TRERF1: variants seen among roughly 807,000 people sequenced by gnomAD.
The protein encoded by TRERF1 is transcriptional regulating factor 1, also known as transcriptional-regulating factor 1.
Under a neutral mutation model 122.9 loss-of-function variants are expected in TRERF1, and 27 were observed. The observed-to-expected ratio is 0.22, with a 90% CI of 0.16 to 0.30. The LOEUF (loss-of-function observed/expected upper bound fraction) is 0.30. Among genes scored for constraint, TRERF1 ranks in the 10% least tolerant of loss-of-function variants. The pLI is 1.00. For missense variants in TRERF1, 1,248 were observed against 1,560.3 expected (o/e 0.80, Z 3.37); for synonymous variants, 636 against 641.7 (o/e 0.99, Z 0.13).
At chr6:42,418,212 T>C (rs1782144820) in intron 2 of TRERF1, among the ~76,000 whole-genome samples, 2 of 80,084 alleles carry the variant, frequency 2.5e-5, no homozygotes, top group Admixed American at 1.9e-4. Flanking sequence ...TCTTTCTTTT[T>C]CTTTCCTTTT....
chr6:42,359,949 GA>G (rs907663170), intron 3 of TRERF1, among the ~76,000 whole-genome samples: 5 of 145,168 alleles, frequency 3.4e-5, no homozygotes, highest in Admixed American at 6.8e-5. Flanking sequence ...AATTCTAACA[GA>G]AAAAAAAAAC....
chr6:42,364,766 G>T (rs1452104897), intron 2 of TRERF1, among the ~76,000 whole-genome samples: 1 of 152,344 alleles, frequency 6.6e-6, no homozygotes, highest in East Asian at 1.9e-4. Context: ...GCCAGCCTGC[G>T]TGGGCTATGT....
At chr6:42,344,129 G>T (rs1767824364) in intron 3 of TRERF1, among the ~76,000 whole-genome samples, 1 of 152,210 alleles carries the variant, frequency 6.6e-6, no homozygotes, top group Non-Finnish European at 1.5e-5. Context: ...TGCTCCCAAG[G>T]ACCGAACTGC....
chr6:42,291,280 C>T (rs969932723), intron 4 of TRERF1, among the ~76,000 whole-genome samples: 1 of 152,102 alleles, frequency 6.6e-6, no homozygotes, highest in Non-Finnish European at 1.5e-5. Context: ...TTCCTCCTTG[C>T]AGGATCCTTC....
chr6:42,341,183 G>A (rs1014418671), intron 3 of TRERF1, among the ~76,000 whole-genome samples: 4 of 152,312 alleles, frequency 2.6e-5, no homozygotes, highest in African/African-American at 9.6e-5. Flanking sequence ...ACCCCGCTCT[G>A]TGTGATGTTA....
chr6:42,257,119 G>A lies in TRERF1; in HGVS notation c.2337-17C>T. On this transcript the variant is annotated splice_polypyrimidine_tract_variant and intron_variant, in intron 10 of 17. Transcript: ENST00000372922. The stretch of plus-strand genomic sequence containing the variant: ...TTGATGCGTCTTTAAATGACAAGAA[G>A]AAAAACAACAATGTGGTCTTCAATT... 6.2e-7 allele frequency: 1 copy of A among 1,613,242 alleles called. No homozygotes were observed. The highest frequency in any genetic ancestry group is 8.5e-7 in the Non-Finnish European group (1 of 1,179,696).
chr6:42,355,518 T>C (rs1233218642), intron 3 of TRERF1, among the ~76,000 whole-genome samples: 2 of 152,256 alleles, frequency 1.3e-5, no homozygotes, highest in Admixed American at 1.3e-4. Context: ...GGGACTTGCC[T>C]GTTTTGATAT....
At chr6:42,226,648 G>C (rs911729044) in exon 18 of TRERF1, 1 of 152,238 alleles carries the variant, frequency 6.6e-6, no homozygotes, top group African/African-American at 2.4e-5. Context: ...CTTTCCTGAA[G>C]TTCAGAGACC....
intron 2 of TRERF1, among the ~76,000 whole-genome samples, chr6:42,402,689 T>C (rs1437442782): frequency 6.6e-6 from 1 of 152,232 alleles, no homozygotes; most frequent in African/African-American, 2.4e-5. Flanking sequence ...TGTGGTCACT[T>C]ATTCAACAAA....
At chr6:42,384,952 T>C (rs116302384) in intron 2 of TRERF1, among the ~76,000 whole-genome samples, 1 of 152,060 alleles carries the variant, frequency 6.6e-6, no homozygotes, top group Non-Finnish European at 1.5e-5. Flanking sequence ...CTACAGGCAT[T>C]TGGTACCATG....
chr6:42,328,652 G>A (rs1483485828), intron 3 of TRERF1, among the ~76,000 whole-genome samples: 1 of 152,144 alleles, frequency 6.6e-6, no homozygotes, highest in East Asian at 1.9e-4. Flanking sequence ...TGTCTGAACA[G>A]CAATGCCATG....
chr6:42,427,461 G>A (rs1395654561), intron 2 of TRERF1, among the ~76,000 whole-genome samples: 1 of 151,982 alleles, frequency 6.6e-6, no homozygotes, highest in Non-Finnish European at 1.5e-5. Flanking sequence ...ATGTTGCCCA[G>A]GCTGGTTTTG....
At chr6:42,326,792 G>A (rs1764367127) in intron 3 of TRERF1, among the ~76,000 whole-genome samples, 1 of 152,180 alleles carries the variant, frequency 6.6e-6, no homozygotes, top group African/African-American at 2.4e-5. Context: ...AACAGCTGTT[G>A]GAACTGTTGA....
At chr6:42,407,333 T>C (rs1201870153) in intron 2 of TRERF1, among the ~76,000 whole-genome samples, 1 of 152,234 alleles carries the variant, frequency 6.6e-6, no homozygotes, top group Non-Finnish European at 1.5e-5. Context: ...AATGACTCTG[T>C]TGGCTGCCCT....
intron 2 of TRERF1, among the ~76,000 whole-genome samples, chr6:42,427,303 G>C (rs1161760740): frequency 1.3e-5 from 2 of 152,140 alleles, no homozygotes; most frequent in African/African-American, 2.4e-5. Context: ...CTACCACCCA[G>C]CTGAAATTCA....
rs150947727 is a variant in TRERF1 at position 42,443,537 on chromosome 6, C to T, written c.-454+7640G>A. On this transcript the variant is annotated intron_variant, in intron 2 of 17. Coordinates refer to ENST00000372922, the Ensembl canonical transcript of TRERF1. Reference sequence around the variant, plus strand: ...ACGGCTAAGACTGTAGAACCTCAGTCGGGTTTCTTGGGGTAGGTTCAAGGT... The same window carrying T: ...ACGGCTAAGACTGTAGAACCTCAGTTGGGTTTCTTGGGGTAGGTTCAAGGT... Among the ~76,000 whole-genome samples the T allele has an allele frequency of 9.9e-3, 1,513 of 152,266 alleles. 20 individuals carry two copies. Among genetic ancestry groups the T allele is most frequent in the African/African-American group, 0.033 (1,374 of 41,554 alleles).
chr6:42,430,624 G>A (rs544661578), intron 2 of TRERF1, among the ~76,000 whole-genome samples: 6 of 150,110 alleles, frequency 4.0e-5, no homozygotes, highest in South Asian at 2.1e-4. Flanking sequence ...GGCTGGGCGC[G>A]GTGGCTCATG....
intron 3 of TRERF1, among the ~76,000 whole-genome samples, chr6:42,343,912 A>G (rs1767772338): frequency 2.0e-5 from 3 of 152,172 alleles, no homozygotes; most frequent in Non-Finnish European, 4.4e-5. Flanking sequence ...CGCATAACTG[A>G]CCGCGTGGGG....
rs574888135 is a variant in TRERF1, at chr6:42,413,386, C to T, written c.-454+37791G>A. 1.4e-3 allele frequency among the ~76,000 whole-genome samples: 219 copies of T among 151,542 alleles called. 1 individual carries two copies. The highest frequency in any genetic ancestry group is 4.9e-3 in the African/African-American group (202 of 41,274). ...GACCCCATCTGGAGCTGGTTAGAAA[C>T]GCATCTGGGGCCTCATTCGCACTTA... On this transcript the variant is annotated intron_variant, in intron 2 of 17. Transcript: ENST00000372922.
Sources: gnomAD v4.1 joint callset for allele counts (sites outside exome capture counted in the v4.1 genomes callset) on GRCh38, gnomAD v4.1.1 for gene constraint, MANE v1.5 for transcripts, NCBI Gene and HGNC (gene_info 2026-07-23, HGNC 2026-07-21) for gene names.